The following SRPK2 variants were observed in gnomAD, a reference collection of about 807,000 sequenced individuals.
SRPK2 encodes SRSF protein kinase 2.
A neutral mutation model predicts 90.8 loss-of-function variants in SRPK2; 21 were observed. The observed-to-expected ratio is 0.23, with a 90% CI of 0.16 to 0.33. The LOEUF (loss-of-function observed/expected upper bound fraction) is 0.33. SRPK2 is among the 10% of genes least tolerant of loss of function. The pLI is 1.00. For synonymous variants in SRPK2, 288 were observed against 311.1 expected, an observed-to-expected ratio of 0.93 and a Z score of 0.78; for missense variants, 620 against 869.0, an observed-to-expected ratio of 0.71 and a Z score of 3.60.
chr7:105,253,988 T>C (rs1802863248), intron 2 of SRPK2, among the ~76,000 whole-genome samples: 1 of 152,206 alleles, frequency 6.6e-6, no homozygotes, highest in Non-Finnish European at 1.5e-5. Flanking sequence ...TCACATAACT[T>C]CTTGAAATCC....
intron 2 of SRPK2, among the ~76,000 whole-genome samples, chr7:105,214,752 C>T (rs983716918): frequency 6.6e-6 from 1 of 152,192 alleles, no homozygotes. Flanking sequence ...AGACTTAATA[C>T]TGTTTGCCAA....
At chr7:105,324,634 C>G (rs1305706196) in intron 2 of SRPK2, among the ~76,000 whole-genome samples, 2 of 152,170 alleles carry the variant, frequency 1.3e-5, no homozygotes, top group African/African-American at 4.8e-5. Flanking sequence ...TGCTACCATC[C>G]CCAGCACTTT....
At chr7:105,315,683 C>A (rs1812227099) in intron 2 of SRPK2, among the ~76,000 whole-genome samples, 1 of 152,136 alleles carries the variant, frequency 6.6e-6, no homozygotes, top group South Asian at 2.1e-4. Context: ...ACTAGATAAT[C>A]CCTAAAGTCA....
At chr7:105,364,592 C>CG (rs1379702240) in intron 2 of SRPK2, among the ~76,000 whole-genome samples, 5 of 151,762 alleles carry the variant, frequency 3.3e-5, no homozygotes, top group Non-Finnish European at 7.4e-5. Flanking sequence ...TTAGTAGAGA[C>CG]GGGGTTTCAC....
At chr7:105,180,644 G>A (rs1365268248) in intron 3 of SRPK2, among the ~76,000 whole-genome samples, 1 of 152,158 alleles carries the variant, frequency 6.6e-6, no homozygotes, top group African/African-American at 2.4e-5. Context: ...TTTAATCCCA[G>A]CTACTGGGGA....
intron 15 of SRPK2, among the ~76,000 whole-genome samples, chr7:105,123,388 T>A (rs1194893187): frequency 6.6e-6 from 1 of 152,164 alleles, no homozygotes; most frequent in African/African-American, 2.4e-5. Context: ...AAAATCTGCC[T>A]CTGACCCAGA....
intron 2 of SRPK2, among the ~76,000 whole-genome samples, chr7:105,378,737 T>C (rs1353613259): frequency 3.5e-5 from 5 of 143,386 alleles, no homozygotes; most frequent in African/African-American, 5.2e-5. Flanking sequence ...CAATCCAGTC[T>C]GGCAACAGAG....
intron 3 of SRPK2, among the ~76,000 whole-genome samples, chr7:105,181,020 A>C (rs1792712634): frequency 6.6e-6 from 1 of 152,184 alleles, no homozygotes; most frequent in African/African-American, 2.4e-5. Context: ...TTAAACACAT[A>C]TACAAGCAAA....
intron 2 of SRPK2, among the ~76,000 whole-genome samples, chr7:105,350,361 A>C (rs1343374513): frequency 2.0e-5 from 3 of 151,270 alleles, no homozygotes; most frequent in Non-Finnish European, 4.4e-5. Flanking sequence ...CGATCTCCTG[A>C]ACTCGCATCC....
chr7:105,275,823 C>T (rs1209222129), intron 2 of SRPK2, among the ~76,000 whole-genome samples: 2 of 152,184 alleles, frequency 1.3e-5, no homozygotes, highest in African/African-American at 4.8e-5. Context: ...TAAGAACACA[C>T]AGAAGCTGTG....
At chr7:105,286,656 G>C in intron 2 of SRPK2, among the ~76,000 whole-genome samples, 1 of 152,184 alleles carries the variant, frequency 6.6e-6, no homozygotes, top group Non-Finnish European at 1.5e-5. Context: ...TGCACAGCCA[G>C]TATTGAGATC....
intron 11 of SRPK2, among the ~76,000 whole-genome samples, chr7:105,138,719 G>A (rs550767460): frequency 2.0e-5 from 3 of 152,264 alleles, no homozygotes; most frequent in African/African-American, 7.2e-5. Flanking sequence ...AGGATCACTT[G>A]AGCCAGAAAG....
downstream of SRPK2, chr7:105,115,190 T>TA (rs1222758983): frequency 6.6e-6 from 1 of 152,158 alleles, no homozygotes; most frequent in Non-Finnish European, 1.5e-5. Flanking sequence ...TCAAGTTATT[T>TA]AAAAGGGGGA....
At chr7:105,373,374 C>T (rs1289963999) in intron 2 of SRPK2, among the ~76,000 whole-genome samples, 3 of 106,718 alleles carry the variant, frequency 2.8e-5, no homozygotes, top group East Asian at 5.5e-4. Flanking sequence ...CTTTACTTTG[C>T]CACAAAAAAA....
At chr7:105,338,708 G>T (rs898847204) in intron 2 of SRPK2, among the ~76,000 whole-genome samples, 6 of 152,084 alleles carry the variant, frequency 3.9e-5, no homozygotes, top group Non-Finnish European at 8.8e-5. Flanking sequence ...AATAATTTTT[G>T]AATCCTGTTG....
At chr7:105,152,699 CT>C (rs1562995501) in intron 7 of SRPK2, among the ~76,000 whole-genome samples, 2 of 152,164 alleles carry the variant, frequency 1.3e-5, no homozygotes. Flanking sequence ...TCCTCTGTTG[CT>C]TTTACTTGTC....
intron 2 of SRPK2, among the ~76,000 whole-genome samples, chr7:105,329,419 G>C (rs1234801873): frequency 6.6e-6 from 1 of 152,010 alleles, no homozygotes; most frequent in Non-Finnish European, 1.5e-5. Context: ...GGAAAACTAA[G>C]AATGCTGGGA....
chr7:105,307,986 T>C (rs986773979), intron 2 of SRPK2, among the ~76,000 whole-genome samples: 1 of 152,186 alleles, frequency 6.6e-6, no homozygotes, highest in African/African-American at 2.4e-5. Flanking sequence ...TAACACAAAA[T>C]AACATATGCG....
chr7:105,258,697 G>A (rs1307245969), intron 2 of SRPK2, among the ~76,000 whole-genome samples: 1 of 152,082 alleles, frequency 6.6e-6, no homozygotes, highest in Non-Finnish European at 1.5e-5. Flanking sequence ...CAATCAACTT[G>A]GCTTCACCCC....
Sources: gnomAD v4.1 joint callset for allele counts (sites outside exome capture counted in the v4.1 genomes callset) on GRCh38, gnomAD v4.1.1 for gene constraint, MANE v1.5 for transcripts, NCBI Gene and HGNC (gene_info 2026-07-23, HGNC 2026-07-21) for gene names.